GARRE1: variants seen among roughly 807,000 people sequenced by gnomAD.
GARRE1 encodes granule associated Rac and RHOG effector protein 1.
In GARRE1, 49 loss-of-function variants were observed where a neutral mutation model predicts 103.2. The ratio of observed to expected loss-of-function variants is 0.47; its 90% confidence interval spans 0.38 to 0.60. The LOEUF is 0.60. Ranked by LOEUF, GARRE1 falls within the 20% of genes least tolerant of loss-of-function variation. The pLI is 0.00. For missense variants in GARRE1, 1,199 were observed against 1,370.5 expected, an observed-to-expected ratio of 0.87 and a Z score of 1.98; for synonymous variants, 505 against 532.8, an observed-to-expected ratio of 0.95 and a Z score of 0.72.
rs373171001 is a variant in GARRE1 at position 34,320,044 on chromosome 19, C to T, written c.633C>T (p.Gly211=). 34 of 1,614,094 alleles carry T rather than the reference C, an allele frequency of 2.1e-5. No individual in the cohort carries two copies. The highest frequency in any genetic ancestry group is 1.2e-4 in the African/African-American group (9 of 74,934). ...IVPEKKNSGS[G]GGLSGMGHTP... ...CAGAAAAAAAGAACAGCGGCAGTGG[C>T]GGCGGCTTATCTGGCATGGGCCACA... is the stretch of plus-strand genomic sequence containing the variant. Residue 211 remains glycine, a synonymous_variant, in exon 3 of 14, where the codon GGC becomes GGT. Coordinates refer to ENST00000299505, the MANE Select transcript of GARRE1 (RefSeq NM_014686.5).
intron 2 of GARRE1, among the ~76,000 whole-genome samples, chr19:34,318,831 C>T (rs1048082551): frequency 2.6e-5 from 4 of 152,046 alleles, no homozygotes; most frequent in Non-Finnish European, 5.9e-5. Flanking sequence ...CACCTGAGGT[C>T]AGGAATTCAA....
intron 1 of GARRE1, among the ~76,000 whole-genome samples, chr19:34,290,056 C>T (rs2073908898): frequency 6.6e-6 from 1 of 151,996 alleles, no homozygotes; most frequent in African/African-American, 2.4e-5. Context: ...TTGAAAATAT[C>T]CTAAGTTGAA....
At chr19:34,338,767 T>G (rs898191521) in intron 8 of GARRE1, among the ~76,000 whole-genome samples, 8 of 151,900 alleles carry the variant, frequency 5.3e-5, no homozygotes, top group Non-Finnish European at 8.8e-5. Flanking sequence ...AGGGCTGTGG[T>G]GAGGGTTTAG....
At position 34,341,720 on chromosome 19, in the gene GARRE1, A is replaced by T; in HGVS notation, c.1786A>T (p.Asn596Tyr). 6.2e-7 allele frequency: 1 copy of T among 1,614,256 alleles called. No homozygotes were observed. The highest frequency in any genetic ancestry group is 1.1e-5 in the South Asian group (1 of 91,086). ...GTTACAAAGCATTTTGAACATTGGT[A>T]ATTTCCCCAGGACTACAGACCCTTC... ...TRLQSILNIG[N>Y]FPRTTDPSQS... is the part of the protein sequence containing the mutation. The change falls in exon 10 of 14, where the codon AAT becomes TAT. Residue 596 changes from asparagine to tyrosine, a missense_variant. Transcript: ENST00000299505.
chr19:34,314,293 G>A (rs995741341), intron 2 of GARRE1, among the ~76,000 whole-genome samples: 2 of 151,966 alleles, frequency 1.3e-5, no homozygotes, highest in African/African-American at 2.4e-5. Context: ...TATTGATATG[G>A]TAACAGATTT....
chr19:34,291,740 C>T (rs1467207659), intron 1 of GARRE1, among the ~76,000 whole-genome samples: 2 of 152,116 alleles, frequency 1.3e-5, no homozygotes, highest in Admixed American at 6.5e-5. Flanking sequence ...ATTAAGTTTC[C>T]AATACAAGAA....
intron 6 of GARRE1, among the ~76,000 whole-genome samples, chr19:34,329,650 A>G (rs2074128415): frequency 6.6e-6 from 1 of 152,184 alleles, no homozygotes; most frequent in African/African-American, 2.4e-5. Context: ...AGCCTGGGCA[A>G]CATGGCAAAA....
At chr19:34,312,447 C>T (rs1439997968) in intron 2 of GARRE1, among the ~76,000 whole-genome samples, 1 of 152,200 alleles carries the variant, frequency 6.6e-6, no homozygotes, top group Non-Finnish European at 1.5e-5. Flanking sequence ...ACAATAACTC[C>T]TGGTTGCCCT....
At chr19:34,310,106 C>A (rs533604324) in intron 2 of GARRE1, among the ~76,000 whole-genome samples, 10 of 152,126 alleles carry the variant, frequency 6.6e-5, no homozygotes, top group African/African-American at 2.4e-4. Flanking sequence ...AAAAGGCTTG[C>A]GTGATGTGCT....
At chr19:34,283,826 CTTTCTTTTTTTTTTTTTTTTT>C (rs2073869357) in intron 1 of GARRE1, among the ~76,000 whole-genome samples, 1 of 141,368 alleles carries the variant, frequency 7.1e-6, no homozygotes, top group South Asian at 2.2e-4. Flanking sequence ...TTCTTTCTTT[CTTTCTTTTTTTTTTTTTTTTT>C]TTGAGACGGA....
intron 1 of GARRE1, among the ~76,000 whole-genome samples, chr19:34,269,654 C>G (rs1251801405): frequency 6.6e-6 from 1 of 152,114 alleles, no homozygotes; most frequent in Non-Finnish European, 1.5e-5. Flanking sequence ...CCATGAACAC[C>G]TGGGCCCAAG....
At chr19:34,296,347 T>A in intron 1 of GARRE1, 2 of 1,101,220 alleles carry the variant, frequency 1.8e-6, no homozygotes, top group Non-Finnish European at 2.7e-6. Flanking sequence ...GGAGCTGCAG[T>A]CTGGGCGCTG....
At chr19:34,343,922 T>C (rs900095651) in intron 10 of GARRE1, among the ~76,000 whole-genome samples, 7 of 152,182 alleles carry the variant, frequency 4.6e-5, no homozygotes, top group African/African-American at 1.7e-4. Flanking sequence ...CCTTATATAA[T>C]GAAACAAAAA....
chr19:34,334,755 G>T (rs923810114), intron 8 of GARRE1, among the ~76,000 whole-genome samples: 4 of 149,246 alleles, frequency 2.7e-5, no homozygotes, highest in Non-Finnish European at 6.0e-5. Flanking sequence ...CAGAGACAAA[G>T]TAAAGAAACC....
intron 1 of GARRE1, among the ~76,000 whole-genome samples, chr19:34,268,906 C>T (rs531657354): frequency 3.3e-5 from 5 of 152,308 alleles, no homozygotes; most frequent in African/African-American, 1.2e-4. Context: ...CATTGATCTT[C>T]CTGTTCCTTC....
At chr19:34,280,594 C>T (rs192803153) in intron 1 of GARRE1, among the ~76,000 whole-genome samples, 472 of 152,090 alleles carry the variant, frequency 3.1e-3, no homozygotes, top group African/African-American at 0.011. Flanking sequence ...CTGTGCTTTT[C>T]GTGTCCTATC....
intron 1 of GARRE1, among the ~76,000 whole-genome samples, chr19:34,264,543 T>C (rs556864170): frequency 3.9e-5 from 6 of 152,136 alleles, no homozygotes; most frequent in South Asian, 4.2e-4. Context: ...GGACTACAGG[T>C]GCCCGCCACC....
chr19:34,262,811 A>G (rs1363674081), intron 1 of GARRE1, among the ~76,000 whole-genome samples: 1 of 152,208 alleles, frequency 6.6e-6, no homozygotes, highest in Non-Finnish European at 1.5e-5. Flanking sequence ...AGCTCAGAGA[A>G]ATCAGTGAAA....
At chr19:34,338,360 A>AC (rs2145276754) in intron 8 of GARRE1, among the ~76,000 whole-genome samples, 1 of 152,172 alleles carries the variant, frequency 6.6e-6, no homozygotes, top group Admixed American at 6.5e-5. Flanking sequence ...ACATAGCGAG[A>AC]CCCCATCTCT....
Sources: gnomAD v4.1 joint callset for allele counts (sites outside exome capture counted in the v4.1 genomes callset) on GRCh38, gnomAD v4.1.1 for gene constraint, MANE v1.5 for transcripts, NCBI Gene and HGNC (gene_info 2026-07-23, HGNC 2026-07-21) for gene names.